HDAC9: variants seen among roughly 807,000 people sequenced by gnomAD.
HDAC9 encodes the protein MEF-2 interacting transcription repressor (MITR) protein.
Under a neutral mutation model 139.4 loss-of-function variants are expected in HDAC9, and 41 were observed. The observed-to-expected ratio is 0.29, with a 90% confidence interval of 0.23 to 0.38. HDAC9 has a LOEUF of 0.38. HDAC9 is among the 10% of genes least tolerant of loss of function. The pLI is 1.00. For missense variants in HDAC9, 1,147 were observed against 1,297.0 expected, an observed-to-expected ratio of 0.88 and a Z score of 1.78; for synonymous variants, 517 against 476.2, an observed-to-expected ratio of 1.09 and a Z score of -1.12.
chr7:18,892,618 A>G (rs185628536), intron 22 of HDAC9: 4 of 152,224 alleles, frequency 2.6e-5, no homozygotes, highest in Non-Finnish European at 4.4e-5. Context: ...TAACTCTTCC[A>G]CTGTAAGGTC....
At chr7:18,212,385 C>T (rs544127204) in intron 2 of HDAC9, among the ~76,000 whole-genome samples, 1 of 152,098 alleles carries the variant, frequency 6.6e-6, no homozygotes, top group African/African-American at 2.4e-5. Context: ...CACTATTAAC[C>T]CTGTCTGTGA....
intron 14 of HDAC9, among the ~76,000 whole-genome samples, chr7:18,751,120 C>T (rs944055370): frequency 1.3e-5 from 2 of 152,088 alleles, no homozygotes; most frequent in African/African-American, 4.8e-5. Flanking sequence ...TCTGGTTAGT[C>T]TTCTTTTTCA....
At chr7:18,319,173 T>C (rs534044509) in intron 1 of HDAC9, among the ~76,000 whole-genome samples, 11 of 152,370 alleles carry the variant, frequency 7.2e-5, no homozygotes, top group Admixed American at 3.9e-4. Flanking sequence ...TCGTGGTATT[T>C]ATTTTCTGGT....
intron 23 of HDAC9, among the ~76,000 whole-genome samples, chr7:18,941,255 C>G (rs1274127328): frequency 1.3e-5 from 2 of 151,780 alleles, no homozygotes; most frequent in Non-Finnish European, 1.5e-5. Context: ...CTCCCTCTCT[C>G]CAGTTTCTTT....
intron 1 of HDAC9, among the ~76,000 whole-genome samples, chr7:18,444,444 G>C (rs1237648621): frequency 1.3e-5 from 2 of 150,256 alleles, no homozygotes; most frequent in African/African-American, 2.5e-5. Context: ...TACACACTCA[G>C]TTACATATCT....
At chr7:18,259,321 A>G (rs1795489768) in intron 2 of HDAC9, among the ~76,000 whole-genome samples, 1 of 151,514 alleles carries the variant, frequency 6.6e-6, no homozygotes. Flanking sequence ...GTCCCCTGCC[A>G]CCCCCCAATA....
At chr7:18,573,995 G>C (rs1339933188) in intron 2 of HDAC9, among the ~76,000 whole-genome samples, 1 of 152,220 alleles carries the variant, frequency 6.6e-6, no homozygotes, top group Non-Finnish European at 1.5e-5. Context: ...CATTTGATGT[G>C]TCCCGAGTTC....
At chr7:18,701,741 C>A (rs1378286668) in intron 12 of HDAC9, among the ~76,000 whole-genome samples, 1 of 152,194 alleles carries the variant, frequency 6.6e-6, no homozygotes, top group Non-Finnish European at 1.5e-5. Context: ...CAGGGAACAT[C>A]CATTACATGT....
At chr7:18,422,184 C>T (rs552585676) in intron 1 of HDAC9, among the ~76,000 whole-genome samples, 20 of 152,286 alleles carry the variant, frequency 1.3e-4, no homozygotes, top group African/African-American at 4.6e-4. Context: ...TTCCTAGCAT[C>T]GGTCTTCTAG....
intron 25 of HDAC9, among the ~76,000 whole-genome samples, chr7:18,978,551 A>C (rs1784695807): frequency 6.6e-6 from 1 of 152,174 alleles, no homozygotes; most frequent in South Asian, 2.1e-4. Context: ...TCTGGGGGCA[A>C]AAGACTTGAT....
At chr7:18,965,722 T>C (rs1044740950) in intron 24 of HDAC9, among the ~76,000 whole-genome samples, 1 of 152,184 alleles carries the variant, frequency 6.6e-6, no homozygotes, top group Non-Finnish European at 1.5e-5. Context: ...ATGCTCCAAC[T>C]CCAAACAGTT....
At chr7:18,312,030 A>G (rs1799352473) in intron 1 of HDAC9, among the ~76,000 whole-genome samples, 1 of 152,182 alleles carries the variant, frequency 6.6e-6, no homozygotes, top group Non-Finnish European at 1.5e-5. Flanking sequence ...GATTATGTGG[A>G]CCTTCCTGGT....
intron 1 of HDAC9, among the ~76,000 whole-genome samples, chr7:18,091,290 T>C (rs1410650969): frequency 6.6e-6 from 1 of 152,232 alleles, no homozygotes; most frequent in Non-Finnish European, 1.5e-5. Context: ...AACTACTATC[T>C]ATTGTTTGCT....
intron 17 of HDAC9, among the ~76,000 whole-genome samples, chr7:18,802,377 T>C (rs1264864429): frequency 2.6e-5 from 4 of 152,010 alleles, no homozygotes; most frequent in Non-Finnish European, 4.4e-5. Flanking sequence ...AAATTTGATC[T>C]GTATCATACT....
At chr7:18,582,285 G>A (rs1391375384) in intron 2 of HDAC9, among the ~76,000 whole-genome samples, 4 of 152,160 alleles carry the variant, frequency 2.6e-5, no homozygotes, top group African/African-American at 9.7e-5. Flanking sequence ...AGTAAAGGGA[G>A]AATCATTCAT....
intron 1 of HDAC9, among the ~76,000 whole-genome samples, chr7:18,449,938 C>T (rs1451967094): frequency 4.6e-5 from 7 of 152,022 alleles, no homozygotes; most frequent in African/African-American, 1.5e-4. Context: ...ATATGTTTCA[C>T]CTATTATTCT....
intron 12 of HDAC9, chr7:18,668,318 A>C: frequency 1.0e-6 from 1 of 953,156 alleles, no homozygotes; most frequent in Non-Finnish European, 1.2e-6. Context: ...TATTAAAATG[A>C]CTTTTTGTCA....
chr7:18,186,124 A>G (rs1789894614), intron 2 of HDAC9, among the ~76,000 whole-genome samples: 1 of 152,224 alleles, frequency 6.6e-6, no homozygotes, highest in Non-Finnish European at 1.5e-5. Context: ...AGACTTGCCT[A>G]GCTAGGTTAA....
chr7:18,862,163 C>T (rs932741076), intron 21 of HDAC9, among the ~76,000 whole-genome samples: 2 of 152,114 alleles, frequency 1.3e-5, no homozygotes, highest in African/African-American at 4.8e-5. Context: ...ACTTTAGAAT[C>T]GTTCTGAAAG....
Sources: allele counts gnomAD v4.1 joint callset (sites outside exome capture counted in the v4.1 genomes callset), GRCh38; gene constraint gnomAD v4.1.1; transcripts MANE v1.5; gene names NCBI Gene and HGNC (gene_info 2026-07-23, HGNC 2026-07-21).